Variants in CREB5 observed in about 807,000 individuals in gnomAD.
The protein encoded by CREB5 is cyclic AMP-responsive element-binding protein 5.
In CREB5, 19 loss-of-function variants were observed where a neutral mutation model predicts 57.1. The observed-to-expected ratio is 0.33, with a 90% CI of 0.23 to 0.49. The LOEUF is 0.49. CREB5 is among the 20% of genes least tolerant of loss of function. The pLI, the probability that CREB5 is intolerant of heterozygous loss-of-function variation, is 0.99. For missense variants in CREB5, 579 were observed against 671.6 expected, an observed-to-expected ratio of 0.86 and a Z score of 1.52; for synonymous variants, 238 against 238.3, an observed-to-expected ratio of 1.00 and a Z score of 0.01.
chr7:28,472,028 AG>A (rs1790837349), intron 1 of CREB5, among the ~76,000 whole-genome samples: 1 of 152,206 alleles, frequency 6.6e-6, no homozygotes, highest in African/African-American at 2.4e-5. Context: ...AGTTCTGTAA[AG>A]CAAACCAAAA....
intron 5 of CREB5, among the ~76,000 whole-genome samples, chr7:28,717,069 C>T (rs188682155): frequency 2.2e-3 from 319 of 145,280 alleles, no homozygotes; most frequent in African/African-American, 7.6e-3. Flanking sequence ...ATAATCTCTG[C>T]GGAAAGGCTT....
At chr7:28,601,171 T>TA (rs551412708) in intron 5 of CREB5, among the ~76,000 whole-genome samples, 72 of 139,886 alleles carry the variant, frequency 5.1e-4, no homozygotes, top group African/African-American at 2.2e-3. Context: ...TTATTATTAT[T>TA]TTTTTTTTTG....
chr7:28,702,516 C>A (rs921280653), intron 5 of CREB5, among the ~76,000 whole-genome samples: 1 of 152,196 alleles, frequency 6.6e-6, no homozygotes, highest in African/African-American at 2.4e-5. Context: ...CTTCTAGAAG[C>A]CTTTCCAACT....
intron 3 of CREB5, among the ~76,000 whole-genome samples, chr7:28,507,410 C>T (rs746077782): frequency 6.6e-6 from 1 of 152,212 alleles, no homozygotes; most frequent in African/African-American, 2.4e-5. Flanking sequence ...TCGCAGACTA[C>T]AGCCTTCTGT....
At chr7:28,620,541 G>C (rs1483920610) in intron 5 of CREB5, among the ~76,000 whole-genome samples, 4 of 152,208 alleles carry the variant, frequency 2.6e-5, no homozygotes. Context: ...CTCAGGTAGT[G>C]AAGGTAGGCA....
intron 1 of CREB5, among the ~76,000 whole-genome samples, chr7:28,385,848 G>C (rs979419297): frequency 6.6e-6 from 1 of 152,192 alleles, no homozygotes; most frequent in African/African-American, 2.4e-5. Context: ...CGAGTTTCTA[G>C]ATCATTTTTT....
chr7:28,781,924 C>A (rs1388153335), intron 7 of CREB5, among the ~76,000 whole-genome samples: 1 of 145,464 alleles, frequency 6.9e-6, no homozygotes, highest in African/African-American at 2.5e-5. Flanking sequence ...CATTAAATTT[C>A]AACAATGTGT....
chr7:28,392,885 C>T (rs937137303), intron 1 of CREB5, among the ~76,000 whole-genome samples: 10 of 152,080 alleles, frequency 6.6e-5, no homozygotes, highest in African/African-American at 2.4e-4. Context: ...ACTCAATTGT[C>T]CTTTTTAATT....
chr7:28,536,006 A>G lies in CREB5; in HGVS notation c.291+28269A>G, dbSNP rs35362988. 3.1e-3 allele frequency among the ~76,000 whole-genome samples: 465 copies of G among 152,284 alleles called. 2 individuals are homozygous for G. The highest frequency in any genetic ancestry group is 4.2e-3 in the Non-Finnish European group (287 of 68,014). The stretch of plus-strand genomic sequence containing the variant: ...CATAATTCTGAGCCCAGAGCTGTAA[A>G]TGGGTCCCTCAGAGACCCTGGGTCT... On this transcript the variant is annotated intron_variant, in intron 4 of 10. Transcript: ENST00000357727.
intron 4 of CREB5, among the ~76,000 whole-genome samples, chr7:28,550,113 T>G (rs891257003): frequency 6.6e-6 from 1 of 152,104 alleles, no homozygotes; most frequent in Non-Finnish European, 1.5e-5. Context: ...TTTCTCCTCT[T>G]CCTCCTTTTC....
At chr7:28,361,469 T>C (rs991429983) in intron 1 of CREB5, among the ~76,000 whole-genome samples, 4 of 152,242 alleles carry the variant, frequency 2.6e-5, no homozygotes, top group African/African-American at 9.6e-5. Context: ...GCCACATCCT[T>C]TTCCCTGCCC....
intron 1 of CREB5, among the ~76,000 whole-genome samples, chr7:28,362,358 A>G: frequency 6.6e-6 from 1 of 152,232 alleles, no homozygotes; most frequent in East Asian, 1.9e-4. Flanking sequence ...TTAGAAAAAG[A>G]AAAATCTGAT....
intron 7 of CREB5, among the ~76,000 whole-genome samples, chr7:28,762,604 T>G (rs1366546590): frequency 6.6e-6 from 1 of 152,160 alleles, no homozygotes; most frequent in East Asian, 1.9e-4. Context: ...CCTTCTGTGC[T>G]TTAAACCTTC....
Position 28,822,280 on chromosome 7 carries a change from A to G in CREB5, c.*3001A>G, listed in dbSNP as rs1041417423. The G allele has an allele frequency of 6.6e-6, 1 of 152,284 alleles. No individual in the cohort carries two copies. Among genetic ancestry groups the G allele is most frequent in the African/African-American group, 2.4e-5 (1 of 41,446 alleles). The allele number at this position is 152,284 out of a possible 1,614,324, so 9.4% of individuals were successfully genotyped here. A position where few individuals can be genotyped will look rare whatever the true frequency, so the allele number is the denominator to read the frequency against. ...GTGCTTCTTGAAATTCCAAACAGAA[A>G]GATACATTGGTCAAATCCAACACTT... is the stretch of plus-strand genomic sequence containing the variant. On this transcript the variant is annotated 3_prime_UTR_variant, in exon 11 of 11. Transcript: ENST00000357727.
intron 5 of CREB5, among the ~76,000 whole-genome samples, chr7:28,696,772 A>G (rs915311281): frequency 1.3e-5 from 2 of 149,808 alleles, no homozygotes; most frequent in African/African-American, 4.9e-5. Flanking sequence ...ACACATATAC[A>G]TATATATACA....
chr7:28,739,976 C>T (rs898012728), intron 7 of CREB5, among the ~76,000 whole-genome samples: 2 of 152,130 alleles, frequency 1.3e-5, no homozygotes, highest in Non-Finnish European at 2.9e-5. Context: ...CCAACTTACA[C>T]GGAATAGTCT....
intron 2 of CREB5, among the ~76,000 whole-genome samples, chr7:28,494,575 G>A (rs1034886097): frequency 1.3e-5 from 2 of 152,132 alleles, no homozygotes; most frequent in Admixed American, 1.3e-4. Flanking sequence ...CCCAGGGAAG[G>A]TATAGAAGGC....
intron 1 of CREB5, among the ~76,000 whole-genome samples, chr7:28,349,522 G>A (rs10269705): frequency 0.24 from 37,026 of 151,772 alleles, 4,647 homozygotes; most frequent in African/African-American, 0.26. Context: ...AGGGCCAATA[G>A]GGAGGTGTGA....
At chr7:28,530,310 G>C (rs916646640) in intron 4 of CREB5, among the ~76,000 whole-genome samples, 6 of 152,212 alleles carry the variant, frequency 3.9e-5, no homozygotes, top group African/African-American at 1.4e-4. Flanking sequence ...ATGCTGCTGT[G>C]TGCAGCTTAT....
Sources: gnomAD v4.1 joint callset for allele counts (sites outside exome capture counted in the v4.1 genomes callset) on GRCh38, gnomAD v4.1.1 for gene constraint, MANE v1.5 for transcripts, NCBI Gene and HGNC (gene_info 2026-07-23, HGNC 2026-07-21) for gene names.